EPHA6: variants seen among roughly 807,000 people sequenced by gnomAD.
EPHA6 encodes EPH receptor A6.
A neutral mutation model predicts 112.0 loss-of-function variants in EPHA6; 50 were observed. The observed-to-expected ratio is 0.45, with a 90% confidence interval of 0.36 to 0.56. The LOEUF (loss-of-function observed/expected upper bound fraction) is 0.56. EPHA6 is among the 20% of genes least tolerant of loss of function. The pLI is 0.00. For missense variants in EPHA6, 1,280 were observed against 1,417.4 expected, an observed-to-expected ratio of 0.90 and a Z score of 1.56; for synonymous variants, 529 against 490.7, an observed-to-expected ratio of 1.08 and a Z score of -1.03.
rs577286053 is a variant in EPHA6, at chr3:97,576,452, G to C, written c.2387-16160G>C. Among the ~76,000 whole-genome samples the C allele has an allele frequency of 2.0e-5, 3 of 152,258 alleles. No individual in the cohort carries two copies. In the East Asian group the frequency reaches 5.8e-4, roughly 29 times the overall value. On this transcript the variant is annotated intron_variant, in intron 11 of 17. Transcript: ENST00000389672. The stretch of plus-strand genomic sequence containing the variant: ...GCGCTGGCAGACACTCAAAAGCTGG[G>C]AGAATATTTTCTGTCAGGAAGGTCT...
At chr3:97,733,446 T>A (rs1194096355) in intron 15 of EPHA6, among the ~76,000 whole-genome samples, 1 of 152,112 alleles carries the variant, frequency 6.6e-6, no homozygotes, top group East Asian at 1.9e-4. Flanking sequence ...TGCTTATACT[T>A]TGAATCTATT....
intron 7 of EPHA6, among the ~76,000 whole-genome samples, chr3:97,469,356 T>C (rs777545895): frequency 2.6e-5 from 4 of 151,724 alleles, no homozygotes; most frequent in African/African-American, 4.8e-5. Flanking sequence ...TACACTATTT[T>C]ATGAACTTGG....
At chr3:96,994,759 A>AGAGAGAGAGAGAGCGC (rs763682996) in intron 3 of EPHA6, among the ~76,000 whole-genome samples, 1 of 116,214 alleles carries the variant, frequency 8.6e-6, no homozygotes, top group Non-Finnish European at 1.8e-5. Context: ...AGAGAGAGAG[A>AGAGAGAGAGAGAGCGC]GAGCTATATA....
At chr3:97,243,758 C>A (rs547607834) in intron 4 of EPHA6, among the ~76,000 whole-genome samples, 194 bp from the exon 5 acceptor site, 1 of 151,644 alleles carries the variant, frequency 6.6e-6, no homozygotes, top group Admixed American at 6.6e-5. Flanking sequence ...TGATATAGAT[C>A]TTCATTCCTC....
intron 14 of EPHA6, among the ~76,000 whole-genome samples, chr3:97,713,420 A>G (rs2034068280): frequency 6.6e-6 from 1 of 152,152 alleles, no homozygotes; most frequent in Admixed American, 6.5e-5. Flanking sequence ...CTCATATAAG[A>G]TTTTTTAAAA....
intron 5 of EPHA6, among the ~76,000 whole-genome samples, chr3:97,338,331 A>G (rs141091013): frequency 5.3e-5 from 8 of 152,256 alleles, no homozygotes; most frequent in African/African-American, 1.7e-4. Context: ...TGTAATGTAT[A>G]TTGCCCCTAA....
At chr3:97,007,651 C>T (rs946030405) in intron 3 of EPHA6, among the ~76,000 whole-genome samples, 2 of 152,038 alleles carry the variant, frequency 1.3e-5, no homozygotes, top group Non-Finnish European at 2.9e-5. Context: ...CATCATGATG[C>T]TATTTGGTTA....
rs2093626107 is a variant in EPHA6 at position 97,599,606 on chromosome 3, G to T, written c.2512+6869G>T. 2.0e-5 allele frequency among the ~76,000 whole-genome samples: 3 copies of T among 151,542 alleles called. No homozygotes were observed. The South Asian group carries it at 6.3e-4, about 32-fold the overall frequency. On this transcript the variant is annotated intron_variant, in intron 12 of 17. Transcript: ENST00000389672. ...ATGCGGCGTTATTTCTGAGGGCTCT[G>T]TTCTGTTCCATTGATCTATATCTCT...
chr3:97,737,771 T>C (rs2035333440), intron 16 of EPHA6, among the ~76,000 whole-genome samples: 1 of 152,036 alleles, frequency 6.6e-6, no homozygotes, highest in Admixed American at 6.6e-5. Context: ...AGCTGAAGCT[T>C]TAACTGTAGT....
chr3:97,606,041 G>A (rs2093677971), intron 12 of EPHA6: 2 of 151,420 alleles, frequency 1.3e-5, no homozygotes, highest in Admixed American at 6.6e-5. Context: ...AGAAGAGATT[G>A]TAAATGAACT....
At chr3:97,290,569 C>T (rs531752947) in intron 5 of EPHA6, among the ~76,000 whole-genome samples, 1 of 152,196 alleles carries the variant, frequency 6.6e-6, no homozygotes, top group South Asian at 2.1e-4. Context: ...AACTGATTCT[C>T]TCTCTGTTTA....
Position 97,513,680 on chromosome 3 carries a change from G to A in EPHA6, c.2201-18678G>A, listed in dbSNP as rs2107598647. On this transcript the variant is annotated intron_variant, in intron 10 of 17. Transcript: ENST00000389672. ...GTTACTAGAGACTGGGGAGAGTGGG[G>A]GTGGGAGTGGGGTAGGGGGTGAGGT... 1.3e-5 allele frequency among the ~76,000 whole-genome samples: 2 copies of A among 152,098 alleles called. 1 individual carries two copies. The highest frequency in any genetic ancestry group is 4.2e-4 in the South Asian group (2 of 4,818).
intron 3 of EPHA6, among the ~76,000 whole-genome samples, chr3:97,027,363 A>C (rs1053058350): frequency 3.3e-5 from 5 of 152,086 alleles, no homozygotes; most frequent in Non-Finnish European, 7.4e-5. Flanking sequence ...CTCGGTGATG[A>C]AATAATCTGT....
At chr3:97,285,739 A>T (rs1275958356) in intron 5 of EPHA6, among the ~76,000 whole-genome samples, 2 of 152,112 alleles carry the variant, frequency 1.3e-5, no homozygotes, top group Non-Finnish European at 2.9e-5. Flanking sequence ...AATACCCAGT[A>T]GTGGGATTGC....
intron 2 of EPHA6, among the ~76,000 whole-genome samples, chr3:96,984,768 C>G (rs1038506628): frequency 6.6e-6 from 1 of 152,224 alleles, no homozygotes; most frequent in Non-Finnish European, 1.5e-5. Context: ...GTCCCTCCCC[C>G]AGCCCTGCTG....
At chr3:97,278,109 A>T (rs959671921) in intron 5 of EPHA6, among the ~76,000 whole-genome samples, 1 of 152,186 alleles carries the variant, frequency 6.6e-6, no homozygotes, top group African/African-American at 2.4e-5. Flanking sequence ...TTGGCTACTA[A>T]TGGCCACTTC....
At chr3:97,471,065 CAA>C (rs1340996537) in intron 7 of EPHA6, among the ~76,000 whole-genome samples, 2 of 151,632 alleles carry the variant, frequency 1.3e-5, no homozygotes, top group Admixed American at 6.6e-5. Flanking sequence ...ATGCTATAGA[CAA>C]GTTTTCATAA....
chr3:97,309,993 C>T (rs375748333), intron 5 of EPHA6, among the ~76,000 whole-genome samples: 6 of 151,648 alleles, frequency 4.0e-5, no homozygotes, highest in African/African-American at 1.4e-4. Flanking sequence ...TGAAGTTTCA[C>T]GAATACATCT....
chr3:97,576,403 T>A (rs926434908), intron 11 of EPHA6, among the ~76,000 whole-genome samples: 1 of 152,124 alleles, frequency 6.6e-6, no homozygotes, highest in African/African-American at 2.4e-5. Context: ...CCTTGCCACC[T>A]CCCTTACATC....
Sources: allele counts gnomAD v4.1 joint callset (sites outside exome capture counted in the v4.1 genomes callset), GRCh38; gene constraint gnomAD v4.1.1; transcripts MANE v1.5; gene names NCBI Gene and HGNC (gene_info 2026-07-23, HGNC 2026-07-21).